The following KCNQ5 variants were observed in gnomAD, a reference collection of about 807,000 sequenced individuals.
The protein encoded by KCNQ5 is potassium voltage-gated channel subfamily KQT member 5.
In KCNQ5, 30 loss-of-function variants were observed where a neutral mutation model predicts 98.2. That is an observed-to-expected ratio of 0.31 (90% CI 0.23 to 0.41). KCNQ5 has a LOEUF of 0.41. Among genes scored for constraint, KCNQ5 ranks in the 10% least tolerant of loss-of-function variants. KCNQ5 has a pLI of 1.00. For synonymous variants in KCNQ5, 458 were observed against 449.4 expected, an observed-to-expected ratio of 1.02 and a Z score of -0.24; for missense variants, 835 against 1,182.5, an observed-to-expected ratio of 0.71 and a Z score of 4.31.
intron 10 of KCNQ5, chr6:73,136,641 G>A (rs1412577862): frequency 6.6e-6 from 1 of 152,216 alleles, no homozygotes; most frequent in Non-Finnish European, 1.5e-5. Context: ...ACCTGCAAGA[G>A]ATAGTAGCTC....
chr6:72,910,591 TGTGTGTGTGTGTGTGG>T (rs1779901643), intron 1 of KCNQ5, among the ~76,000 whole-genome samples: 1 of 151,470 alleles, frequency 6.6e-6, no homozygotes, highest in Non-Finnish European at 1.5e-5. Context: ...TGTGTGTGTG[TGTGTGTGTGTGTGTGG>T]CTGATAAATT....
chr6:72,872,750 A>G (rs1344304877), intron 1 of KCNQ5, among the ~76,000 whole-genome samples: 1 of 152,132 alleles, frequency 6.6e-6, no homozygotes, highest in Non-Finnish European at 1.5e-5. Context: ...GGGGATCTAC[A>G]TTCAAAGCAA....
At chr6:72,819,624 G>A (rs1775659724) in intron 1 of KCNQ5, among the ~76,000 whole-genome samples, 1 of 152,166 alleles carries the variant, frequency 6.6e-6, no homozygotes, top group Non-Finnish European at 1.5e-5. Context: ...GGGTCCTATA[G>A]ATACATGCCC....
chr6:73,132,808 T>C (rs1776288849), intron 9 of KCNQ5, among the ~76,000 whole-genome samples: 2 of 152,258 alleles, frequency 1.3e-5, no homozygotes, highest in African/African-American at 4.8e-5. Context: ...CTGTTCTATC[T>C]TGTGTGGTTT....
At chr6:72,833,136 TC>T (rs1419188872) in intron 1 of KCNQ5, among the ~76,000 whole-genome samples, 1 of 152,182 alleles carries the variant, frequency 6.6e-6, no homozygotes, top group African/African-American at 2.4e-5. Flanking sequence ...TGTGAAAGAA[TC>T]TAAATATTCA....
At chr6:72,655,495 A>G (rs1454815286) in intron 1 of KCNQ5, among the ~76,000 whole-genome samples, 1 of 152,100 alleles carries the variant, frequency 6.6e-6, no homozygotes, top group African/African-American at 2.4e-5. Flanking sequence ...ATTCCTAGAG[A>G]AAGTGGAATT....
chr6:73,035,006 C>T (rs9446826), intron 2 of KCNQ5, among the ~76,000 whole-genome samples: 21,547 of 151,800 alleles, frequency 0.14, 2,077 homozygotes, highest in African/African-American at 0.27. Context: ...CCACCACACC[C>T]AGCTAATTTT....
At chr6:72,644,708 T>A (rs1765497558) in intron 1 of KCNQ5, among the ~76,000 whole-genome samples, 1 of 152,130 alleles carries the variant, frequency 6.6e-6, no homozygotes, top group Non-Finnish European at 1.5e-5. Flanking sequence ...GGTGCACCTT[T>A]TATCATAACC....
intron 10 of KCNQ5, among the ~76,000 whole-genome samples, chr6:73,160,508 A>G (rs2150493259): frequency 6.6e-6 from 1 of 152,312 alleles, no homozygotes; most frequent in African/African-American, 2.4e-5. Flanking sequence ...TCAATTAAAG[A>G]TGACTAGAAT....
At chr6:72,889,833 T>G (rs1259447751) in intron 1 of KCNQ5, among the ~76,000 whole-genome samples, 1 of 152,216 alleles carries the variant, frequency 6.6e-6, no homozygotes, top group African/African-American at 2.4e-5. Context: ...AACATGTACA[T>G]CCACTATGTA....
chr6:72,622,252 C>T lies in KCNQ5; in HGVS notation c.63C>T (p.Gly21=). 1 of 1,266,646 alleles carries T rather than the reference C, an allele frequency of 7.9e-7. No homozygotes were observed. Among genetic ancestry groups the T allele is most frequent in the Non-Finnish European group, 9.9e-7 (1 of 1,010,558 alleles). 78.5% of individuals were successfully genotyped at this position (1,266,646 alleles called of 1,614,324 possible). The change falls in exon 1 of 14, where the codon GGC becomes GGT. Residue 21 remains glycine (G), a synonymous_variant. Transcript: ENST00000370398. This position sits in a 1 kb window ranked among gnomAD's most constrained non-coding sequence, Gnocchi z 6.0. Reference sequence around the variant, plus strand: ...CCGCCGGGCTCTGGGTGAAGAGCGGCGCAGCGGCGGCGGCGGCGGGCGGGG... The same window carrying T: ...CCGCCGGGCTCTGGGTGAAGAGCGGTGCAGCGGCGGCGGCGGCGGGCGGGG... The part of the protein sequence containing the change: ...GGAAGLWVKS[G]AAAAAAGGGR...
At chr6:72,723,308 T>C (rs1770074162) in intron 1 of KCNQ5, among the ~76,000 whole-genome samples, 1 of 152,230 alleles carries the variant, frequency 6.6e-6, no homozygotes, top group Non-Finnish European at 1.5e-5. Context: ...GATTAAAGTC[T>C]TAGAGTACCT....
chr6:72,886,384 A>G (rs1264850238), intron 1 of KCNQ5, among the ~76,000 whole-genome samples: 1 of 152,200 alleles, frequency 6.6e-6, no homozygotes, highest in Non-Finnish European at 1.5e-5. Flanking sequence ...CTAGTAAAGT[A>G]AAATATAGAC....
chr6:73,111,571 T>C (rs1486075013), intron 7 of KCNQ5, among the ~76,000 whole-genome samples, 168 bp downstream of exon 7: 1 of 152,242 alleles, frequency 6.6e-6, no homozygotes, highest in African/African-American at 2.4e-5. Context: ...GTCTTGGATT[T>C]GTTCCTCCTC....
chr6:72,739,156 G>A (rs1771002275), intron 1 of KCNQ5, among the ~76,000 whole-genome samples: 2 of 152,190 alleles, frequency 1.3e-5, no homozygotes, highest in African/African-American at 4.8e-5. Context: ...GAGCCACCGG[G>A]TATATGGGAG....
intron 1 of KCNQ5, among the ~76,000 whole-genome samples, chr6:72,775,924 C>G (rs1276771132): frequency 1.3e-5 from 2 of 151,892 alleles, no homozygotes; most frequent in African/African-American, 4.8e-5. Flanking sequence ...GGATGGGATC[C>G]TAGAACAGAA....
intron 1 of KCNQ5, among the ~76,000 whole-genome samples, chr6:72,876,261 T>G (rs1189512907): frequency 6.6e-6 from 1 of 152,150 alleles, no homozygotes; most frequent in East Asian, 1.9e-4. Context: ...TGAATTAATA[T>G]TCCATTGGTT....
chr6:72,906,966 T>G (rs866637785), intron 1 of KCNQ5, among the ~76,000 whole-genome samples: 3 of 152,102 alleles, frequency 2.0e-5, no homozygotes, highest in Admixed American at 1.3e-4. Flanking sequence ...ATTATGTTAT[T>G]TATTTACTAG....
intron 1 of KCNQ5, among the ~76,000 whole-genome samples, chr6:72,787,304 G>T (rs1017517079): frequency 2.0e-5 from 3 of 152,130 alleles, no homozygotes; most frequent in African/African-American, 7.2e-5. Context: ...ATTCATTTAA[G>T]TATTATCTAT....
Sources: gnomAD v4.1 joint callset for allele counts (sites outside exome capture counted in the v4.1 genomes callset) on GRCh38, gnomAD v4.1.1 for gene constraint, Gnocchi (gnomAD v3.1) non-coding constraint, MANE v1.5 for transcripts, NCBI Gene and HGNC (gene_info 2026-07-23, HGNC 2026-07-21) for gene names.